CDH2: variants seen among roughly 807,000 people sequenced by gnomAD.
CDH2 encodes cadherin 2.
CDH2 carries 17 observed loss-of-function variants against 92.0 expected under a neutral mutation model. That is an observed-to-expected ratio of 0.18 (90% CI 0.13 to 0.28). The LOEUF is 0.28. Ranked by LOEUF, CDH2 falls within the 10% of genes least tolerant of loss-of-function variation. CDH2 has a pLI of 1.00. For missense variants in CDH2, 862 were observed against 1,133.1 expected, an observed-to-expected ratio of 0.76 and a Z score of 3.44; for synonymous variants, 419 against 415.9, an observed-to-expected ratio of 1.01 and a Z score of -0.09.
intron 2 of CDH2, among the ~76,000 whole-genome samples, chr18:28,125,627 G>C (rs2015664354): frequency 6.6e-6 from 1 of 151,954 alleles, no homozygotes; most frequent in South Asian, 2.1e-4. Context: ...TGAAAAAATT[G>C]GGTTAAAAAC....
intron 1 of CDH2, among the ~76,000 whole-genome samples, chr18:28,163,901 T>C (rs1162478704): frequency 1.3e-5 from 2 of 152,208 alleles, no homozygotes; most frequent in Non-Finnish European, 2.9e-5. Flanking sequence ...TAGTTATCTC[T>C]GCCAGATAGT....
At position 27,985,091 on chromosome 18, in the gene CDH2, G is replaced by A. The variant is rs775358499; in HGVS notation, c.2118C>T (p.Asn706=). Residue 706 remains asparagine, a synonymous_variant, in exon 13 of 16, where the codon AAC becomes AAT. Transcript: ENST00000269141. ...LRVKVCQCDS[N]GDCTDVDRIV... Reference sequence around the variant, plus strand: ...TCCTGTCCACATCTGTGCAGTCCCCGTTGGAGTCACACTGGCAAACCTTCA... The same window carrying A: ...TCCTGTCCACATCTGTGCAGTCCCCATTGGAGTCACACTGGCAAACCTTCA... The A allele has an allele frequency of 1.7e-5, 27 of 1,613,956 alleles. No individual in the cohort carries two copies. Among genetic ancestry groups the A allele is most frequent in the East Asian group, 2.2e-5 (1 of 44,882 alleles).
chr18:28,047,548 C>A (rs1233604133), intron 2 of CDH2, among the ~76,000 whole-genome samples: 1 of 152,074 alleles, frequency 6.6e-6, no homozygotes, highest in East Asian at 1.9e-4. Flanking sequence ...AGATTTGAGA[C>A]TGACATAAAG....
At chr18:28,084,770 C>G (rs912964508) in intron 2 of CDH2, among the ~76,000 whole-genome samples, 1 of 152,128 alleles carries the variant, frequency 6.6e-6, no homozygotes, top group African/African-American at 2.4e-5. Context: ...ATGCAGGAAG[C>G]TGAAAACTTC....
downstream of CDH2, among the ~76,000 whole-genome samples, chr18:27,948,666 G>GA (rs945191704): frequency 2.0e-5 from 3 of 151,816 alleles, no homozygotes; most frequent in African/African-American, 4.8e-5. Flanking sequence ...ATGAGCATAA[G>GA]AAAAAAATCT....
At chr18:28,126,499 G>A (rs924360194) in intron 2 of CDH2, among the ~76,000 whole-genome samples, 4 of 152,156 alleles carry the variant, frequency 2.6e-5, no homozygotes, top group Non-Finnish European at 4.4e-5. Context: ...AACTGGCTGT[G>A]ATGCTAATTA....
intron 7 of CDH2, among the ~76,000 whole-genome samples, 187 bp downstream of exon 7, chr18:28,002,810 T>C (rs577270): frequency 0.01 from 1,597 of 152,320 alleles, 36 homozygotes; most frequent in African/African-American, 0.037. Flanking sequence ...ATTTATCCAG[T>C]ATATATACAT....
At chr18:28,080,865 A>G (rs1437374043) in intron 2 of CDH2, among the ~76,000 whole-genome samples, 1 of 152,196 alleles carries the variant, frequency 6.6e-6, no homozygotes, top group African/African-American at 2.4e-5. Flanking sequence ...CTTACACCAG[A>G]TTTCCTGTGA....
At chr18:28,022,183 A>C (rs1235306379) in intron 2 of CDH2, among the ~76,000 whole-genome samples, 2 of 152,050 alleles carry the variant, frequency 1.3e-5, no homozygotes, top group African/African-American at 4.8e-5. Context: ...AATTTCATAC[A>C]GGAATGATTT....
rs1395482543 is a variant in CDH2 at position 27,988,536 on chromosome 18, C to T, written c.1729G>A (p.Ala577Thr). The T allele has an allele frequency of 6.2e-7, 1 of 1,612,584 alleles. No individual in the cohort carries two copies. The highest frequency in any genetic ancestry group is 1.3e-5 in the African/African-American group (1 of 74,848). The change falls in exon 11 of 16, where the codon GCT becomes ACT. Residue 577 changes from alanine (A) to threonine (T), a missense_variant. This residue lies in a region of CDH2 where 564 missense variants were observed against 722.2 expected (regional missense o/e 0.78). Coordinates refer to ENST00000269141, the MANE Select transcript of CDH2 (RefSeq NM_001792.5). ...ACAGCGAACATACCATTGTCAGAAGCAAGGAAAGTAGCATTATATATATTG... is the reference window on the plus strand; with the variant it reads ...ACAGCGAACATACCATTGTCAGAAGTAAGGAAAGTAGCATTATATATATTG... ...KNNIYNATFL[A>T]SDNGIPPMSG...
At chr18:28,169,473 C>T (rs1257533583) in intron 1 of CDH2, among the ~76,000 whole-genome samples, 1 of 152,154 alleles carries the variant, frequency 6.6e-6, no homozygotes, top group Non-Finnish European at 1.5e-5. Flanking sequence ...CCAAACTATG[C>T]ACCTTTTAAT....
At chr18:27,987,649 A>G (rs1318804676) in intron 11 of CDH2, among the ~76,000 whole-genome samples, 1 of 152,236 alleles carries the variant, frequency 6.6e-6, no homozygotes, top group Non-Finnish European at 1.5e-5. Context: ...GAAACTATTA[A>G]TACGCAATAG....
intron 14 of CDH2, among the ~76,000 whole-genome samples, chr18:27,968,279 G>A (rs1321071015): frequency 6.6e-6 from 1 of 152,142 alleles, no homozygotes; most frequent in Non-Finnish European, 1.5e-5. Flanking sequence ...ACTCACTTAA[G>A]CACGTCAAAA....
chr18:28,065,763 G>A (rs1049065168), intron 2 of CDH2, among the ~76,000 whole-genome samples: 1 of 152,122 alleles, frequency 6.6e-6, no homozygotes, highest in Non-Finnish European at 1.5e-5. Flanking sequence ...TTCTGCAGGA[G>A]AACATAACCA....
chr18:28,013,408 T>A (rs980409779), intron 3 of CDH2, among the ~76,000 whole-genome samples: 2 of 152,200 alleles, frequency 1.3e-5, no homozygotes, highest in Non-Finnish European at 2.9e-5. Context: ...TTGTAAAACT[T>A]CTAAGAAATT....
chr18:28,076,838 C>T (rs1396034252), intron 2 of CDH2, among the ~76,000 whole-genome samples: 1 of 151,918 alleles, frequency 6.6e-6, no homozygotes, highest in African/African-American at 2.4e-5. Flanking sequence ...ATTAATTTAT[C>T]AGATCTCTCA....
At chr18:27,959,308 A>G (rs550345904) in intron 15 of CDH2, among the ~76,000 whole-genome samples, 16 of 152,340 alleles carry the variant, frequency 1.1e-4, no homozygotes, top group African/African-American at 3.8e-4. Context: ...GGCAACATTC[A>G]TTCCTTATTT....
chr18:28,091,236 G>A (rs2015031628), intron 2 of CDH2, among the ~76,000 whole-genome samples: 1 of 152,146 alleles, frequency 6.6e-6, no homozygotes, highest in Non-Finnish European at 1.5e-5. Flanking sequence ...ACCAACTTGA[G>A]AGCAAAGGTG....
intron 6 of CDH2, among the ~76,000 whole-genome samples, chr18:27,943,956 TCA>T (rs1289046644): frequency 6.6e-6 from 1 of 152,200 alleles, no homozygotes; most frequent in Non-Finnish European, 1.5e-5. Flanking sequence ...AACATTTCCG[TCA>T]GTCTGTGGTG....
Sources: allele counts gnomAD v4.1 joint callset (sites outside exome capture counted in the v4.1 genomes callset), GRCh38; gene constraint gnomAD v4.1.1; regional missense constraint gnomAD v4.1.1; transcripts MANE v1.5; gene names NCBI Gene and HGNC (gene_info 2026-07-23, HGNC 2026-07-21).